The following ERO1A variants were observed in gnomAD, a reference collection of about 807,000 sequenced individuals.
ERO1A encodes ERO1-like protein alpha.
In ERO1A, 49 loss-of-function variants were observed where a neutral mutation model predicts 76.9. That is an observed-to-expected ratio of 0.64 (90% CI 0.51 to 0.81). The LOEUF (loss-of-function observed/expected upper bound fraction) is 0.81, where lower values mean the gene tolerates loss of function less well. Among genes scored for constraint, ERO1A ranks in the 30% least tolerant of loss-of-function variants. The pLI, the probability that ERO1A is intolerant of heterozygous loss-of-function variation, is 0.00. For synonymous variants in ERO1A, 174 were observed against 181.2 expected, an observed-to-expected ratio of 0.96 and a Z score of 0.32; for missense variants, 448 against 542.1, an observed-to-expected ratio of 0.83 and a Z score of 1.72.
At chr14:52,681,927 T>C (rs1342224608) in intron 3 of ERO1A, among the ~76,000 whole-genome samples, 1 of 152,142 alleles carries the variant, frequency 6.6e-6, no homozygotes, top group Non-Finnish European at 1.5e-5. Context: ...TTATTATCAA[T>C]CTCCCTAATA....
intron 6 of ERO1A, among the ~76,000 whole-genome samples, 184 bp from the exon 7 acceptor site, chr14:52,666,679 C>T (rs1329011626): frequency 6.6e-6 from 1 of 152,110 alleles, no homozygotes; most frequent in African/African-American, 2.4e-5. Context: ...ACCTGTAATC[C>T]CAGCACTTTG....
intron 2 of ERO1A, 120 bp from the exon 3 acceptor site, chr14:52,682,528 C>CCAGTTTATAA: frequency 3.0e-6 from 2 of 676,944 alleles, no homozygotes; most frequent in Non-Finnish European, 5.0e-6. Context: ...AGTATTTCTT[C>CCAGTTTATAA]CACCTATCTG....
At chr14:52,646,601 AT>A in intron 13 of ERO1A, 140 bp from the exon 14 acceptor site, 1 of 609,638 alleles carries the variant, frequency 1.6e-6, no homozygotes. Flanking sequence ...ATATTCATTG[AT>A]TCTACATACC....
Position 52,666,344 on chromosome 14 carries a change from AG to A in ERO1A, c.629+30del, listed in dbSNP as rs749914209. 8.9e-5 allele frequency: 134 copies of A among 1,498,262 alleles called. 1 individual carries two copies. The South Asian group carries it at 1.5e-3, about 17-fold the overall frequency. The allele number at this position is 1,498,262 out of a possible 1,614,324, so 92.8% of individuals were successfully genotyped here. A position where few individuals can be genotyped will look rare whatever the true frequency, so the allele number is the denominator to read the frequency against. ...ATAAAGAGAAATCACCACATCTTATAGGAATTTTTCTAAATGAAAATGACAC... is the reference window on the plus strand; with the variant it reads ...ATAAAGAGAAATCACCACATCTTATAGAATTTTTCTAAATGAAAATGACAC... On this transcript the variant is annotated intron_variant, in intron 7 of 15. Coordinates refer to ENST00000395686, the MANE Select transcript of ERO1A (RefSeq NM_014584.3).
intron 1 of ERO1A, among the ~76,000 whole-genome samples, chr14:52,689,220 C>T (rs543977444): frequency 6.6e-6 from 1 of 152,340 alleles, no homozygotes; most frequent in East Asian, 1.9e-4. Context: ...TCCCAGAGTG[C>T]TGGGATTACA....
chr14:52,693,575 G>A (rs929405846), intron 1 of ERO1A, among the ~76,000 whole-genome samples: 1 of 152,058 alleles, frequency 6.6e-6, no homozygotes, highest in Admixed American at 6.6e-5. Flanking sequence ...AGCTGGTCTC[G>A]AACTCCTGGG....
intron 1 of ERO1A, among the ~76,000 whole-genome samples, chr14:52,692,220 C>T (rs2041377115): frequency 6.6e-6 from 1 of 152,206 alleles, no homozygotes; most frequent in South Asian, 2.1e-4. Context: ...ACCTTTAATT[C>T]ATTTTTTGAT....
At chr14:52,646,128 A>G (rs769988954) in intron 15 of ERO1A, 26 bp downstream of exon 15, 1 of 1,590,934 alleles carries the variant, frequency 6.3e-7, no homozygotes, top group Non-Finnish European at 8.6e-7. Flanking sequence ...TGGCTACCAG[A>G]AGCATTTCAG....
chr14:52,674,006 C>G (rs117847459), intron 4 of ERO1A, among the ~76,000 whole-genome samples: 264 of 152,260 alleles, frequency 1.7e-3, no homozygotes, highest in Non-Finnish European at 3.1e-3. Flanking sequence ...TCATAGATTT[C>G]TTGATTTATT....
At chr14:52,654,557 A>C (rs2039980794) in intron 11 of ERO1A, among the ~76,000 whole-genome samples, 1 of 152,222 alleles carries the variant, frequency 6.6e-6, no homozygotes, top group Non-Finnish European at 1.5e-5. Flanking sequence ...GCAAACAAAC[A>C]CACAGTACTT....
In ERO1A at chr14:52,641,112, G is replaced by A. The variant is rs572061516; in HGVS notation, c.*2458C>T. ...TCAAGGGAATAAATCTTTAAAGTAGGGGTTGTCAAAAATGTCAAATACAGA... is the reference window on the plus strand; with the variant it reads ...TCAAGGGAATAAATCTTTAAAGTAGAGGTTGTCAAAAATGTCAAATACAGA... On this transcript the variant is annotated 3_prime_UTR_variant, in exon 16 of 16. Coordinates refer to ENST00000395686, the MANE Select transcript of ERO1A (RefSeq NM_014584.3). 3 of 152,188 alleles carry A rather than the reference G, an allele frequency of 2.0e-5. No homozygotes were observed. The highest frequency in any genetic ancestry group is 4.2e-4 in the South Asian group (2 of 4,816). 9.4% of individuals were successfully genotyped at this position (152,188 alleles called of 1,614,324 possible).
chr14:52,675,976 T>C (rs1337017946), intron 4 of ERO1A, among the ~76,000 whole-genome samples: 1 of 152,216 alleles, frequency 6.6e-6, no homozygotes, highest in Admixed American at 6.5e-5. Flanking sequence ...TGAACTACCA[T>C]GTCCATCCTT....
At chr14:52,660,078 C>A (rs1301733842) in intron 9 of ERO1A, among the ~76,000 whole-genome samples, 2 of 152,264 alleles carry the variant, frequency 1.3e-5, no homozygotes, top group East Asian at 3.9e-4. Context: ...AAGTGACCAG[C>A]CAGCCCTGGC....
chr14:52,661,388 T>C, intron 8 of ERO1A, 84 bp from the exon 9 acceptor site: 1 of 1,129,426 alleles, frequency 8.9e-7, no homozygotes. Flanking sequence ...AAAATAAGAC[T>C]TTAATAATGG....
At chr14:52,692,197 T>C (rs1334369667) in intron 1 of ERO1A, among the ~76,000 whole-genome samples, 1 of 152,264 alleles carries the variant, frequency 6.6e-6, no homozygotes. Flanking sequence ...GGCTCACTTC[T>C]TGGAAGTGTC....
At chr14:52,680,671 G>A (rs1359297847) in intron 3 of ERO1A, among the ~76,000 whole-genome samples, 2 of 151,994 alleles carry the variant, frequency 1.3e-5, no homozygotes, top group South Asian at 2.1e-4. Context: ...AATTACAAAC[G>A]CAAAACTTAG....
chr14:52,657,987 T>C lies in ERO1A; in HGVS notation c.738A>G (p.Ala246=), dbSNP rs756159501. The change falls in exon 11 of 16, where the codon GCA becomes GCG. Residue 246 remains alanine (A), a synonymous_variant. Coordinates refer to ENST00000395686, the MANE Select transcript of ERO1A (RefSeq NM_014584.3). The part of the protein sequence containing the change: ...WLEGLCVEKR[A]FYRLISGLHA... Reference sequence around the variant, plus strand: ...GTAGGCCAGATATAAGTCTGTAGAATGCTCTTTTTTCTACACAGAGACCTA... The same window carrying C: ...GTAGGCCAGATATAAGTCTGTAGAACGCTCTTTTTTCTACACAGAGACCTA... The C allele has an allele frequency of 3.1e-6, 5 of 1,611,032 alleles. No homozygotes were observed. Among genetic ancestry groups the C allele is most frequent in the Admixed American group, 3.3e-5 (2 of 59,728 alleles).
At chr14:52,675,028 C>A (rs954488894) in intron 4 of ERO1A, among the ~76,000 whole-genome samples, 12 of 152,106 alleles carry the variant, frequency 7.9e-5, no homozygotes, top group African/African-American at 2.9e-4. Flanking sequence ...ATAAGATGTT[C>A]TAATGGATGG....
chr14:52,660,047 T>A (rs1387797178), intron 9 of ERO1A, among the ~76,000 whole-genome samples: 1 of 152,000 alleles, frequency 6.6e-6, no homozygotes, highest in African/African-American at 2.4e-5. Flanking sequence ...TTAGCCAGGC[T>A]GGTCTCAAAC....
Sources: gnomAD v4.1 joint callset for allele counts (sites outside exome capture counted in the v4.1 genomes callset) on GRCh38, gnomAD v4.1.1 for gene constraint, MANE v1.5 for transcripts, NCBI Gene and HGNC (gene_info 2026-07-23, HGNC 2026-07-21) for gene names.